The following PTPRD variants were observed in gnomAD, a reference collection of about 807,000 sequenced individuals.
PTPRD encodes protein tyrosine phosphatase receptor type D.
PTPRD carries 34 observed loss-of-function variants against 214.5 expected under a neutral mutation model. The observed-to-expected ratio is 0.16, with a 90% CI of 0.12 to 0.21. PTPRD has a LOEUF of 0.21. Among genes scored for constraint, PTPRD ranks in the 10% least tolerant of loss-of-function variants. The pLI, the probability that PTPRD is intolerant of heterozygous loss-of-function variation, is 1.00. For missense variants in PTPRD, 2,545 were observed against 2,398.7 expected (o/e 1.06, Z -1.27); for synonymous variants, 1,128 against 845.7 (o/e 1.33, Z -5.79).
chr9:9,576,157 T>C (rs547136368), intron 7 of PTPRD, among the ~76,000 whole-genome samples: 1 of 152,332 alleles, frequency 6.6e-6, no homozygotes, highest in African/African-American at 2.4e-5. Flanking sequence ...TGCATTAAAC[T>C]GTTTCAACTA....
intron 7 of PTPRD, among the ~76,000 whole-genome samples, chr9:9,723,971 G>C (rs547901773): frequency 6.6e-6 from 1 of 152,104 alleles, no homozygotes; most frequent in East Asian, 1.9e-4. Flanking sequence ...TCTTTCCAAT[G>C]TGGATCCTTT....
intron 44 of PTPRD, 128 bp downstream of exon 44, chr9:8,331,454 T>C (rs1840958862): frequency 9.4e-7 from 1 of 1,061,092 alleles, no homozygotes; most frequent in Non-Finnish European, 1.3e-6. Context: ...AAATCAATCC[T>C]GCTTTAAGTT....
At position 10,100,030 on chromosome 9, in the gene PTPRD, C is replaced by T. The variant is rs571692872; in HGVS notation, c.-544-66240G>A. Reference sequence around the variant, plus strand: ...CTTCTCCCAAATGTATATGTGTTTTCGGTGTGAGTATGCATATGGGTAAAC... The same window carrying T: ...CTTCTCCCAAATGTATATGTGTTTTTGGTGTGAGTATGCATATGGGTAAAC... On this transcript the variant is annotated intron_variant, in intron 3 of 45. Coordinates refer to ENST00000381196, the MANE Select transcript of PTPRD (RefSeq NM_002839.4). Among the ~76,000 whole-genome samples the T allele has an allele frequency of 7.9e-5, 12 of 151,724 alleles. No individual in the cohort carries two copies. In the East Asian group the frequency reaches 2.0e-3, roughly 25 times the overall value.
chr9:10,449,093 G>A (rs1056107229), intron 2 of PTPRD, among the ~76,000 whole-genome samples: 5 of 149,828 alleles, frequency 3.3e-5, no homozygotes, highest in Non-Finnish European at 5.9e-5. Flanking sequence ...ATGCCCAGCC[G>A]AGGCTGGACT....
chr9:9,961,468 T>C (rs149531951), intron 4 of PTPRD, among the ~76,000 whole-genome samples: 219 of 152,314 alleles, frequency 1.4e-3, no homozygotes, highest in African/African-American at 5.1e-3. Context: ...TCGGCTCATT[T>C]GCCCACAAGG....
At chr9:8,733,270 T>C (rs1442863375) in intron 12 of PTPRD, among the ~76,000 whole-genome samples, 1 of 152,122 alleles carries the variant, frequency 6.6e-6, no homozygotes, top group African/African-American at 2.4e-5. Context: ...CTGCTTGATT[T>C]GTTTCAATAC....
intron 9 of PTPRD, among the ~76,000 whole-genome samples, chr9:9,210,302 A>C (rs2099947692): frequency 6.6e-6 from 1 of 152,186 alleles, no homozygotes; most frequent in African/African-American, 2.4e-5. Context: ...ATTGGGTATT[A>C]AAATATATAT....
chr9:8,652,904 G>C (rs887963119), intron 12 of PTPRD, among the ~76,000 whole-genome samples: 1 of 152,182 alleles, frequency 6.6e-6, no homozygotes, highest in East Asian at 1.9e-4. Flanking sequence ...TGTGAGATAA[G>C]CCTTTATTCC....
chr9:10,315,435 T>C (rs951160613), intron 3 of PTPRD, among the ~76,000 whole-genome samples: 1 of 151,970 alleles, frequency 6.6e-6, no homozygotes, highest in African/African-American at 2.4e-5. Context: ...TTGGAATGTC[T>C]ATATGAAACT....
intron 5 of PTPRD, among the ~76,000 whole-genome samples, chr9:9,922,463 G>C (rs1421516971): frequency 6.6e-6 from 1 of 151,922 alleles, no homozygotes; most frequent in East Asian, 1.9e-4. Context: ...AAATTCCCTT[G>C]TGAAATATGA....
chr9:10,248,901 T>C (rs917585342), intron 3 of PTPRD, among the ~76,000 whole-genome samples: 3 of 151,900 alleles, frequency 2.0e-5, no homozygotes, highest in Admixed American at 6.6e-5. Context: ...ATATTGATAC[T>C]AGATTTCCAC....
At chr9:9,766,336 T>A (rs1471022804) in intron 6 of PTPRD, among the ~76,000 whole-genome samples, 10 of 152,192 alleles carry the variant, frequency 6.6e-5, no homozygotes, top group Non-Finnish European at 7.4e-5. Flanking sequence ...TTTACTGAGC[T>A]GTTAATGTGT....
At chr9:10,407,128 T>C (rs575349419) in intron 2 of PTPRD, among the ~76,000 whole-genome samples, 20 of 151,718 alleles carry the variant, frequency 1.3e-4, no homozygotes, top group African/African-American at 4.6e-4. Context: ...ATATCTCTGA[T>C]ACCGGGCAGA....
chr9:9,309,788 C>T (rs774702177), intron 9 of PTPRD, among the ~76,000 whole-genome samples: 7 of 152,138 alleles, frequency 4.6e-5, no homozygotes, highest in African/African-American at 9.7e-5. Flanking sequence ...ATTTCACTAT[C>T]GTATTTGTTA....
At chr9:9,785,691 T>G (rs1172359098) in intron 5 of PTPRD, among the ~76,000 whole-genome samples, 2 of 152,102 alleles carry the variant, frequency 1.3e-5, no homozygotes, top group African/African-American at 4.8e-5. Context: ...AGAAAAAGAA[T>G]ATTTGTTGAA....
rs1413714021 is a variant in PTPRD at position 8,499,817 on chromosome 9, C to T, written c.2152G>A (p.Val718Ile). The change falls in exon 25 of 46, where the codon GTC becomes ATC. Residue 718 changes from valine to isoleucine, a missense_variant. Val to Ile is a conservative substitution (Grantham distance 29, BLOSUM62 3). Coordinates refer to ENST00000381196, the MANE Select transcript of PTPRD (RefSeq NM_002839.4). ...GTTGAGTTGACAGCCTCTACCTCGACTTTGCGAGGAGGACCACTAGGAACT... is the reference window on the plus strand; with the variant it reads ...GTTGAGTTGACAGCCTCTACCTCGATTTTGCGAGGAGGACCACTAGGAACT... Reference protein sequence around the residue: ...EDVPSGPPRKVEVEAVNSTSV... With the variant: ...EDVPSGPPRKIEVEAVNSTSV... 1 of 1,612,316 alleles carries T rather than the reference C, an allele frequency of 6.2e-7. No homozygotes were observed. Among genetic ancestry groups the T allele is most frequent in the Non-Finnish European group, 8.5e-7 (1 of 1,179,386 alleles).
At chr9:9,458,799 G>C (rs1024345032) in intron 8 of PTPRD, among the ~76,000 whole-genome samples, 6 of 152,100 alleles carry the variant, frequency 3.9e-5, no homozygotes, top group Non-Finnish European at 1.5e-5. Flanking sequence ...AATTAGCTGA[G>C]TGTGGTGGTG....
chr9:10,440,838 T>A (rs1588229263), intron 2 of PTPRD, among the ~76,000 whole-genome samples: 1 of 151,732 alleles, frequency 6.6e-6, no homozygotes. Context: ...CTAATCTCCA[T>A]GGCAATGAAT....
chr9:8,319,123 T>G (rs964558215), intron 45 of PTPRD, among the ~76,000 whole-genome samples: 1 of 152,068 alleles, frequency 6.6e-6, no homozygotes, highest in African/African-American at 2.4e-5. Context: ...AGCCAAACAC[T>G]TGCACTACTT....
Sources: allele counts gnomAD v4.1 joint callset (sites outside exome capture counted in the v4.1 genomes callset), GRCh38; gene constraint gnomAD v4.1.1; transcripts MANE v1.5; gene names NCBI Gene and HGNC (gene_info 2026-07-23, HGNC 2026-07-21).